Variants in KDM2A observed in about 807,000 individuals in gnomAD.
The protein encoded by KDM2A is lysine-specific demethylase 2A.
Under a neutral mutation model 137.3 loss-of-function variants are expected in KDM2A, and 3 were observed. That is an observed-to-expected ratio of 0.02 (90% CI 0.01 to 0.06). The LOEUF is 0.06. KDM2A is among the 10% of genes least tolerant of loss of function. The probability of loss-of-function intolerance (pLI) is 1.00; values close to 1 mark genes in which losing one functional copy is unlikely to be tolerated. For missense variants in KDM2A, 738 were observed against 1,510.6 expected, an observed-to-expected ratio of 0.49 and a Z score of 8.48; for synonymous variants, 512 against 541.5, an observed-to-expected ratio of 0.95 and a Z score of 0.76.
chr11:67,152,380 G>A (rs948363304), intron 2 of KDM2A, among the ~76,000 whole-genome samples: 1 of 152,040 alleles, frequency 6.6e-6, no homozygotes, highest in African/African-American at 2.4e-5. Flanking sequence ...ATTTTGCGAG[G>A]CTGAGGTTGG....
At chr11:67,164,042 C>T (rs1856690723) in intron 2 of KDM2A, among the ~76,000 whole-genome samples, 2 of 152,108 alleles carry the variant, frequency 1.3e-5, no homozygotes, top group African/African-American at 4.8e-5. Flanking sequence ...CCTGCCACTA[C>T]TCTATACAGC....
At position 67,245,132 on chromosome 11, in the gene KDM2A, C is replaced by A. The variant is rs1859166412; in HGVS notation, c.1564-57C>A. The stretch of plus-strand genomic sequence containing the variant: ...AGGTATGCTACCATGTAATCTTCTA[C>A]CCTATCCAGTCTTAAAGCAACCTGA... On this transcript the variant is annotated intron_variant, in intron 13 of 20. Transcript: ENST00000529006. The surrounding 1 kb of genome is among the most constrained non-coding windows in gnomAD (Gnocchi z 4.1). The A allele has an allele frequency of 2.5e-6, 4 of 1,580,812 alleles. No individual in the cohort carries two copies. The African/African-American group carries it at 4.0e-5, about 16-fold the overall frequency.
In KDM2A at chr11:67,245,123, A is replaced by T. The variant is rs961273194; in HGVS notation, c.1564-66A>T. 22 of 1,555,092 alleles carry T rather than the reference A, an allele frequency of 1.4e-5. No homozygotes were observed. In the Admixed American group the frequency reaches 1.7e-4, roughly 12 times the overall value. On this transcript the variant is annotated intron_variant, in intron 13 of 20. Coordinates refer to ENST00000529006, the MANE Select transcript of KDM2A (RefSeq NM_012308.3). The surrounding 1 kb of genome is among the most constrained non-coding windows in gnomAD (Gnocchi z 4.1). ...CCCCAGGCTAGGTATGCTACCATGT[A>T]ATCTTCTACCCTATCCAGTCTTAAA...
chr11:67,216,325 A>G (rs1446788333), intron 8 of KDM2A, among the ~76,000 whole-genome samples: 1 of 152,226 alleles, frequency 6.6e-6, no homozygotes, highest in Non-Finnish European at 1.5e-5. Flanking sequence ...CTGTGAAATC[A>G]GCAAATTAAG....
chr11:67,226,463 C>G (rs947425468), intron 10 of KDM2A, among the ~76,000 whole-genome samples: 26 of 152,172 alleles, frequency 1.7e-4, no homozygotes, highest in African/African-American at 6.3e-4. Flanking sequence ...TGGCTCACGC[C>G]TGTAATCCCA....
At chr11:67,251,319 C>G (rs949194038) in intron 17 of KDM2A, among the ~76,000 whole-genome samples, 7 of 152,188 alleles carry the variant, frequency 4.6e-5, no homozygotes, top group Admixed American at 1.3e-4. Context: ...CTCATCCCCC[C>G]AAACCTGGAT....
chr11:67,143,170 C>T (rs116212640), intron 2 of KDM2A: 1 of 151,722 alleles, frequency 6.6e-6, no homozygotes, highest in Non-Finnish European at 1.5e-5. Context: ...GACAGGCATA[C>T]ACCAGTACAC....
intron 2 of KDM2A, among the ~76,000 whole-genome samples, chr11:67,157,014 A>C (rs905610773): frequency 1.3e-5 from 2 of 152,072 alleles, no homozygotes; most frequent in South Asian, 2.1e-4. Context: ...GGCCCCTTTC[A>C]TTAAAAGCTG....
intron 5 of KDM2A, chr11:67,196,303 G>A (rs1857479998): frequency 4.4e-6 from 2 of 455,984 alleles, no homozygotes; most frequent in Non-Finnish European, 8.8e-6. Flanking sequence ...GAGGGAGCAA[G>A]TGGGCCTATT....
chr11:67,199,644 G>GT (rs1857568599), intron 5 of KDM2A, among the ~76,000 whole-genome samples: 1 of 152,212 alleles, frequency 6.6e-6, no homozygotes, highest in Non-Finnish European at 1.5e-5. Flanking sequence ...CAGAAGAAAA[G>GT]TTTAAAGCCA....
At chr11:67,130,112 G>A (rs1855821171) in intron 2 of KDM2A, among the ~76,000 whole-genome samples, 2 of 146,658 alleles carry the variant, frequency 1.4e-5, no homozygotes, top group African/African-American at 5.3e-5. Flanking sequence ...ACAGGCGTCC[G>A]CCACCCCACC....
At chr11:67,211,163 C>G (rs935988350) in intron 6 of KDM2A, among the ~76,000 whole-genome samples, 1 of 152,092 alleles carries the variant, frequency 6.6e-6, no homozygotes, top group African/African-American at 2.4e-5. Context: ...CTTCATTTAT[C>G]TAGGTTTTTT....
chr11:67,134,120 A>G (rs967802278), intron 2 of KDM2A, among the ~76,000 whole-genome samples: 1 of 152,232 alleles, frequency 6.6e-6, no homozygotes, highest in African/African-American at 2.4e-5. Context: ...TTGGATTACC[A>G]GGAAGACTGG....
intron 7 of KDM2A, 40 bp downstream of exon 7, chr11:67,215,486 G>T (rs886771949): frequency 7.5e-7 from 1 of 1,331,024 alleles, no homozygotes; most frequent in Non-Finnish European, 1.1e-6. Context: ...TGTGCTGTGG[G>T]AGACCAAAGC....
At chr11:67,157,140 C>T (rs1279688846) in intron 2 of KDM2A, among the ~76,000 whole-genome samples, 10 of 151,552 alleles carry the variant, frequency 6.6e-5, no homozygotes, top group South Asian at 4.2e-4. Context: ...GGTGAAACCC[C>T]GTCTCTACTA....
At chr11:67,228,005 C>G in intron 10 of KDM2A, 32 bp from the exon 11 acceptor site, 2 of 1,592,844 alleles carry the variant, frequency 1.3e-6, no homozygotes, top group Non-Finnish European at 1.7e-6. Context: ...CCTTGAAAAT[C>G]GTCATCTTTT....
chr11:67,215,491 CA>C, intron 7 of KDM2A, 45 bp downstream of exon 7: 1 of 1,257,784 alleles, frequency 8.0e-7, no homozygotes. Context: ...TGTGGGAGAC[CA>C]AAGCAATAGC....
At chr11:67,143,689 A>G (rs1297423529) in intron 2 of KDM2A, among the ~76,000 whole-genome samples, 2 of 151,430 alleles carry the variant, frequency 1.3e-5, no homozygotes, top group South Asian at 2.1e-4. Flanking sequence ...CTGGAGTGCA[A>G]TGACGCGATC....
intron 2 of KDM2A, among the ~76,000 whole-genome samples, chr11:67,153,876 TTTTTTA>T (rs1368385819): frequency 6.6e-6 from 1 of 152,102 alleles, no homozygotes; most frequent in Non-Finnish European, 1.5e-5. Flanking sequence ...ATAATCCCCT[TTTTTTA>T]TTTTTAATTG....
Sources: gnomAD v4.1 joint callset for allele counts (sites outside exome capture counted in the v4.1 genomes callset) on GRCh38, gnomAD v4.1.1 for gene constraint, Gnocchi (gnomAD v3.1) non-coding constraint, MANE v1.5 for transcripts, NCBI Gene and HGNC (gene_info 2026-07-23, HGNC 2026-07-21) for gene names.